Variants in TMEM223 observed in about 807,000 individuals in gnomAD.
TMEM223 encodes transmembrane protein 223.
TMEM223 carries 14 observed loss-of-function variants against 14.1 expected under a neutral mutation model. The observed-to-expected ratio is 0.99, with a 90% CI of 0.66 to 1.55. TMEM223 has a LOEUF of 1.55. TMEM223 is among the 40% of genes most tolerant of loss of function. The pLI, the probability that TMEM223 is intolerant of heterozygous loss-of-function variation, is 0.00. For missense variants in TMEM223, 346 were observed against 269.9 expected (o/e 1.28, Z -1.97); for synonymous variants, 145 against 120.5 (o/e 1.20, Z -1.33).
At chr11:62,787,171 T>A (rs2084289940), downstream of TMEM223, 1 of 1,584,174 alleles carries the variant, frequency 6.3e-7, no homozygotes, top group Admixed American at 1.7e-5. Context: ...CCAGACTGCC[T>A]TCCCCGCGCC....
At chr11:62,783,780 G>C (rs1300235977), downstream of TMEM223, among the ~76,000 whole-genome samples, 2 of 151,810 alleles carry the variant, frequency 1.3e-5, no homozygotes, top group Non-Finnish European at 2.9e-5. Context: ...TGGTCTGCCT[G>C]CCTCGGCTTC....
chr11:62,790,109 C>A lies in TMEM223; in HGVS notation c.*514G>T, dbSNP rs78079991. On this transcript the variant is annotated 3_prime_UTR_variant, in exon 2 of 2. Transcript: ENST00000307366. ...ATGCCCAAGTGCCTGTAATCCCCCC[C>A]CTCAAGGCCCTGTTTATGTTGGGAG... 227 of 1,489,002 alleles carry A rather than the reference C, an allele frequency of 1.5e-4. No homozygotes were observed. Among genetic ancestry groups the A allele is most frequent in the African/African-American group, 9.3e-4 (66 of 71,218 alleles). The allele number at this position is 1,489,002 out of a possible 1,614,324, so 92.2% of individuals were successfully genotyped here.
chr11:62,774,576 T>C (rs1237470655), intron 2 of TMEM223: 1 of 454,632 alleles, frequency 2.2e-6, no homozygotes, highest in South Asian at 1.6e-5. Flanking sequence ...ATGCATCACT[T>C]TGGCGCACGG....
intron 1 of TMEM223, 55 bp from the exon 2 acceptor site, chr11:62,790,970 G>C (rs1193186718): frequency 6.9e-7 from 1 of 1,456,166 alleles, no homozygotes; most frequent in African/African-American, 1.4e-5. Context: ...TCTAAGTACC[G>C]ACCTTTCCAG....
At chr11:62,786,017 G>C (rs2084271476), downstream of TMEM223, 3 of 423,012 alleles carry the variant, frequency 7.1e-6, no homozygotes, top group Non-Finnish European at 8.7e-6. Flanking sequence ...TTAGCACACA[G>C]GGCAGTGATA....
In TMEM223 at chr11:62,781,986, GA is replaced by G. The variant is rs770295621; in HGVS notation, c.315-7322del. 1.2e-5 allele frequency: 20 copies of G among 1,613,282 alleles called. 1 individual carries two copies. The highest frequency in any genetic ancestry group is 1.7e-5 in the Non-Finnish European group (20 of 1,179,704). On this transcript the variant is annotated intron_variant, in intron 1 of 2. Coordinates refer to the TMEM223 transcript ENST00000528367. ...TCAGTGGGGTAAGTGACCAGGCTGG[GA>G]CAGGGAGAATGTTTTATAAGGAAGA...
downstream of TMEM223, chr11:62,789,568 C>CT: frequency 6.5e-7 from 1 of 1,549,670 alleles, no homozygotes. Context: ...TAAACTATCA[C>CT]GCTTTCTCAC....
downstream of TMEM223, chr11:62,782,898 G>C: frequency 6.3e-7 from 1 of 1,578,450 alleles, no homozygotes; most frequent in Non-Finnish European, 8.6e-7. Flanking sequence ...CTTGTGCATC[G>C]TTATCTCCAA....
intron 1 of TMEM223, chr11:62,778,875 G>C (rs2084206391): frequency 1.2e-6 from 2 of 1,613,966 alleles, no homozygotes; most frequent in Non-Finnish European, 8.5e-7. Context: ...GCAGTGCCCA[G>C]TGCTGTGTCT....
downstream of TMEM223, among the ~76,000 whole-genome samples, chr11:62,783,265 A>G (rs1227007564): frequency 2.6e-5 from 4 of 152,190 alleles, no homozygotes; most frequent in South Asian, 2.1e-4. Context: ...GGCGGATCAC[A>G]AGGTCAGGAG....
At chr11:62,783,251 G>GGTGGGC (rs371220492), downstream of TMEM223, among the ~76,000 whole-genome samples, 287 of 152,292 alleles carry the variant, frequency 1.9e-3, no homozygotes, top group African/African-American at 6.2e-3. Flanking sequence ...GGGAGGCTGA[G>GGTGGGC]GTGGGCGGAT....
chr11:62,789,470 C>G (rs756260230), downstream of TMEM223: 1 of 1,612,790 alleles, frequency 6.2e-7, no homozygotes, highest in Non-Finnish European at 8.5e-7. Context: ...TGACTACCTT[C>G]CCTCTGCAGC....
chr11:62,786,772 G>A (rs1253807346), downstream of TMEM223: 3 of 1,612,462 alleles, frequency 1.9e-6, no homozygotes, highest in Admixed American at 1.7e-5. Context: ...CGCCTTCTTC[G>A]GTGACAGCTT....
chr11:62,773,741 T>C (rs545204), intron 2 of TMEM223, among the ~76,000 whole-genome samples: 16,428 of 151,960 alleles, frequency 0.11, 1,985 homozygotes, highest in African/African-American at 0.3. Flanking sequence ...AGCCACTGGG[T>C]CCAGCTACAA....
chr11:62,791,689 G>A lies in TMEM223; in HGVS notation c.306C>T (p.Cys102=). 2 of 1,534,744 alleles carry A rather than the reference G, an allele frequency of 1.3e-6. No homozygotes were observed. The highest frequency in any genetic ancestry group is 8.8e-7 in the Non-Finnish European group (1 of 1,139,808). Residue 102 remains cysteine (C), a synonymous_variant, in exon 1 of 2, where the codon TGC becomes TGT. Coordinates refer to ENST00000307366, the MANE Select transcript of TMEM223 (RefSeq NM_001080501.3). ...ALWRYGLAVG[C]GAIGALVLGA... is the part of the protein sequence containing the mutation. ...CAGCCCACGTCTTACCGATGGCGCCGCAGCCGACGGCCAGACCGTAGCGCC... is the reference window on the plus strand; with the variant it reads ...CAGCCCACGTCTTACCGATGGCGCCACAGCCGACGGCCAGACCGTAGCGCC...
downstream of TMEM223, chr11:62,789,649 G>C (rs2084334969): frequency 1.3e-6 from 2 of 1,549,830 alleles, no homozygotes; most frequent in African/African-American, 2.8e-5. Flanking sequence ...GAACTGCTCT[G>C]CAGTTTTACT....
chr11:62,788,338 G>A (rs2084313477), downstream of TMEM223, among the ~76,000 whole-genome samples: 1 of 152,066 alleles, frequency 6.6e-6, no homozygotes, highest in Non-Finnish European at 1.5e-5. Flanking sequence ...GGGAGGCGGA[G>A]GTTGCAGTGA....
chr11:62,779,228 A>G (rs975202136), intron 1 of TMEM223, among the ~76,000 whole-genome samples: 2 of 150,328 alleles, frequency 1.3e-5, no homozygotes, highest in Admixed American at 1.3e-4. Flanking sequence ...GGAGTCTTGC[A>G]TTGTCACCCA....
At chr11:62,781,619 G>A in intron 1 of TMEM223, 1 of 345,174 alleles carries the variant, frequency 2.9e-6, no homozygotes. Flanking sequence ...AGCTTGCAGT[G>A]AGCCAAGATC....
Sources: gnomAD v4.1 joint callset for allele counts (sites outside exome capture counted in the v4.1 genomes callset) on GRCh38, gnomAD v4.1.1 for gene constraint, MANE v1.5 for transcripts, NCBI Gene and HGNC (gene_info 2026-07-23, HGNC 2026-07-21) for gene names.